RGS17: variants seen among roughly 807,000 people sequenced by gnomAD.
RGS17 encodes the protein regulator of G protein signaling 17, also known as regulator of G-protein signaling 17.
In RGS17, 12 loss-of-function variants were observed where a neutral mutation model predicts 25.5. The observed-to-expected ratio is 0.47, with a 90% CI of 0.30 to 0.76. The LOEUF (loss-of-function observed/expected upper bound fraction) is 0.76, where lower values mean the gene tolerates loss of function less well. Ranked by LOEUF, RGS17 falls within the 30% of genes least tolerant of loss-of-function variation. RGS17 has a pLI of 0.07. For missense variants in RGS17, 196 were observed against 242.2 expected, an observed-to-expected ratio of 0.81 and a Z score of 1.27; for synonymous variants, 71 against 76.9, an observed-to-expected ratio of 0.92 and a Z score of 0.40.
At chr6:153,114,629 A>C (rs2129125923) in intron 1 of RGS17, among the ~76,000 whole-genome samples, 1 of 152,288 alleles carries the variant, frequency 6.6e-6, no homozygotes, top group Non-Finnish European at 1.5e-5. Context: ...ACACAACAAA[A>C]AGAAAATTTC....
intron 1 of RGS17, among the ~76,000 whole-genome samples, chr6:153,129,521 C>T (rs373481703): frequency 8.5e-5 from 13 of 152,180 alleles, no homozygotes; most frequent in African/African-American, 3.1e-4. Flanking sequence ...TTTTCCACTA[C>T]ACTAATAAAA....
At chr6:153,052,908 G>A (rs1455483882) in intron 1 of RGS17, among the ~76,000 whole-genome samples, 3 of 152,096 alleles carry the variant, frequency 2.0e-5, no homozygotes, top group Non-Finnish European at 4.4e-5. Flanking sequence ...TTAAAAAAGG[G>A]ACCCCCAGAT....
At chr6:153,044,980 T>G (rs1194627042) in intron 1 of RGS17, among the ~76,000 whole-genome samples, 2 of 152,218 alleles carry the variant, frequency 1.3e-5, no homozygotes, top group East Asian at 3.8e-4. Context: ...AGGCAATGTA[T>G]GTAAATCATA....
At chr6:153,123,171 C>G (rs1383629256) in intron 1 of RGS17, among the ~76,000 whole-genome samples, 1 of 137,776 alleles carries the variant, frequency 7.3e-6, no homozygotes, top group Non-Finnish European at 1.6e-5. Flanking sequence ...ATAAAAGACA[C>G]TAGTTTTCCT....
chr6:153,015,010 G>T (rs1779168853), intron 4 of RGS17, among the ~76,000 whole-genome samples: 1 of 152,128 alleles, frequency 6.6e-6, no homozygotes, highest in South Asian at 2.1e-4. Context: ...TGATTTTGAG[G>T]AGTTCAAGAC....
At chr6:153,025,323 AAG>A (rs1491568651) in intron 3 of RGS17, among the ~76,000 whole-genome samples, 1 of 152,052 alleles carries the variant, frequency 6.6e-6, no homozygotes, top group Non-Finnish European at 1.5e-5. Flanking sequence ...AAAAAAAAAA[AAG>A]GTTTTTTTCC....
At chr6:153,040,168 G>A (rs111675156) in intron 2 of RGS17, among the ~76,000 whole-genome samples, 3,021 of 152,268 alleles carry the variant, frequency 0.02, 43 homozygotes, top group Non-Finnish European at 0.027. Context: ...AGGGAGATAA[G>A]GAGAGAGACT....
chr6:153,107,289 C>T (rs569591768), intron 1 of RGS17, among the ~76,000 whole-genome samples: 14 of 152,060 alleles, frequency 9.2e-5, no homozygotes, highest in African/African-American at 2.7e-4. Flanking sequence ...GCCGAGATCG[C>T]GCCATTGCAC....
intron 1 of RGS17, among the ~76,000 whole-genome samples, chr6:153,055,418 A>T (rs760876178): frequency 3.9e-5 from 6 of 152,234 alleles, no homozygotes; most frequent in Non-Finnish European, 7.3e-5. Flanking sequence ...TGTGGAGGTC[A>T]ATTCTTTTTT....
chr6:153,101,891 T>C (rs1777309368), intron 1 of RGS17, among the ~76,000 whole-genome samples: 1 of 152,206 alleles, frequency 6.6e-6, no homozygotes, highest in South Asian at 2.1e-4. Context: ...CAAGTCATGC[T>C]TCCTGTTAAG....
chr6:153,058,698 T>C (rs1776597333), intron 1 of RGS17, among the ~76,000 whole-genome samples: 1 of 152,218 alleles, frequency 6.6e-6, no homozygotes, highest in Admixed American at 6.5e-5. Flanking sequence ...TTCTTAGTTG[T>C]GACGAATTTT....
At chr6:153,077,071 A>G (rs181886262) in intron 1 of RGS17, among the ~76,000 whole-genome samples, 1 of 152,214 alleles carries the variant, frequency 6.6e-6, no homozygotes, top group Non-Finnish European at 1.5e-5. Flanking sequence ...TGTGTGCCTC[A>G]TAACTGATGC....
At chr6:153,119,943 CAT>C (rs1777602528) in intron 1 of RGS17, among the ~76,000 whole-genome samples, 1 of 152,196 alleles carries the variant, frequency 6.6e-6, no homozygotes, top group Non-Finnish European at 1.5e-5. Context: ...GTGAAACACA[CAT>C]ATCTTCCAGG....
At chr6:153,078,475 T>C (rs1249978500) in intron 1 of RGS17, among the ~76,000 whole-genome samples, 1 of 152,080 alleles carries the variant, frequency 6.6e-6, no homozygotes, top group African/African-American at 2.4e-5. Context: ...AGAGTTTAGG[T>C]CTTGCACATT....
intron 4 of RGS17, chr6:153,023,388 A>T (rs1779265936): frequency 2.0e-6 from 1 of 510,976 alleles, no homozygotes; most frequent in Non-Finnish European, 3.9e-6. Flanking sequence ...ACATTCTAGG[A>T]ACCTCTATGT....
At chr6:153,075,317 T>C (rs1776862045) in intron 1 of RGS17, among the ~76,000 whole-genome samples, 1 of 152,130 alleles carries the variant, frequency 6.6e-6, no homozygotes, top group Non-Finnish European at 1.5e-5. Flanking sequence ...GTAAATAAAT[T>C]ATAAGTACCT....
chr6:153,105,379 G>A (rs1282140855), intron 1 of RGS17, among the ~76,000 whole-genome samples: 2 of 152,040 alleles, frequency 1.3e-5, no homozygotes, highest in Non-Finnish European at 2.9e-5. Flanking sequence ...TCTGTGCTGG[G>A]CATTTAGAAA....
At chr6:153,015,717 G>C (rs1779175239) in intron 4 of RGS17, among the ~76,000 whole-genome samples, 3 of 150,834 alleles carry the variant, frequency 2.0e-5, no homozygotes, top group Admixed American at 1.3e-4. Context: ...GCAGTGGCGC[G>C]ATCTCGGCTC....
At chr6:153,126,931 A>T (rs1777712505) in intron 1 of RGS17, among the ~76,000 whole-genome samples, 1 of 152,190 alleles carries the variant, frequency 6.6e-6, no homozygotes, top group Admixed American at 6.5e-5. Context: ...TTTTTTTAGA[A>T]ATATGAAGTT....
Sources: allele counts gnomAD v4.1 joint callset (sites outside exome capture counted in the v4.1 genomes callset), GRCh38; gene constraint gnomAD v4.1.1; transcripts MANE v1.5; gene names NCBI Gene and HGNC (gene_info 2026-07-23, HGNC 2026-07-21).